ANKRD24: variants seen among roughly 807,000 people sequenced by gnomAD.
ANKRD24 encodes ankyrin repeat domain-containing protein 24.
In ANKRD24, 109 loss-of-function variants were observed where a neutral mutation model predicts 127.8. The observed-to-expected ratio is 0.85, with a 90% CI of 0.73 to 1.00. ANKRD24 has a LOEUF of 1.00. Among genes scored for constraint, ANKRD24 ranks in the 50% least tolerant of loss-of-function variants. The pLI is 0.00. For missense variants in ANKRD24, 1,648 were observed against 1,570.2 expected (o/e 1.05, Z -0.84); for synonymous variants, 743 against 671.1 (o/e 1.11, Z -1.66).
chr19:4,190,284 A>C (rs1274311565), intron 2 of ANKRD24, among the ~76,000 whole-genome samples: 1 of 151,642 alleles, frequency 6.6e-6, no homozygotes, highest in African/African-American at 2.4e-5. Context: ...AAATACAAAA[A>C]ATCAGCCGGG....
Position 4,207,328 on chromosome 19 carries a change from C to A in ANKRD24, c.537+16C>A. 6.2e-7 allele frequency: 1 copy of A among 1,611,828 alleles called. No individual in the cohort carries two copies. The highest frequency in any genetic ancestry group is 1.1e-5 in the South Asian group (1 of 91,038). ...CCAAGATCGGGTAAGCTTCTGGGAT[C>A]TCTTCAGGGAAGATGTTATGCTTGA... On this transcript the variant is annotated intron_variant, in intron 8 of 21. Coordinates refer to ENST00000318934, the MANE Select transcript of ANKRD24 (RefSeq NM_001393985.1).
intron 2 of ANKRD24, among the ~76,000 whole-genome samples, chr19:4,187,282 G>A (rs775086926): frequency 3.3e-5 from 5 of 152,062 alleles, no homozygotes; most frequent in African/African-American, 4.8e-5. Context: ...GCACGGTGGC[G>A]GGCACCTGTA....
At chr19:4,192,368 A>T (rs1008836017) in intron 2 of ANKRD24, among the ~76,000 whole-genome samples, 18 of 146,000 alleles carry the variant, frequency 1.2e-4, no homozygotes, top group African/African-American at 4.6e-4. Flanking sequence ...TTTATTTTTT[A>T]CTTAAGTATG....
chr19:4,186,038 CCAGAAAAGG>C (rs1968042953), intron 1 of ANKRD24, among the ~76,000 whole-genome samples: 2 of 152,092 alleles, frequency 1.3e-5, no homozygotes, highest in African/African-American at 4.8e-5. Flanking sequence ...AGTTAGGAGA[CCAGAAAAGG>C]CTTGATCTGT....
Position 4,216,688 on chromosome 19 carries a change from C to T in ANKRD24, c.1528C>T (p.Leu510=), listed in dbSNP as rs774593406. The change falls in exon 18 of 22, where the codon CTG becomes TTG. Residue 510 remains leucine, a synonymous_variant. Coordinates refer to ENST00000318934, the MANE Select transcript of ANKRD24 (RefSeq NM_001393985.1). ...GCAGCACGCTGAGGCCCTGCAGGCCCTGAGGCAGCAGGAGACACGAGAGGT... is the reference window on the plus strand; with the variant it reads ...GCAGCACGCTGAGGCCCTGCAGGCCTTGAGGCAGCAGGAGACACGAGAGGT... The part of the protein sequence containing the change: ...RRQHAEALQA[L]RQQETREVPR... The T allele has an allele frequency of 1.3e-6, 2 of 1,588,088 alleles. No homozygotes were observed. Among genetic ancestry groups the T allele is most frequent in the Non-Finnish European group, 8.6e-7 (1 of 1,167,664 alleles).
rs865815277 is a variant in ANKRD24, at chr19:4,199,917, G to A, written c.166G>A (p.Val56Met). ...GAGTGACGAGAGGCTGCTACAAGCC[G>A]TGGAAAACAACGATGCACCTCGGGT... Reference protein sequence around the residue: ...GKSDERLLQAVENNDAPRVAA... With the variant: ...GKSDERLLQAMENNDAPRVAA... The change falls in exon 4 of 22, where the codon GTG becomes ATG. Residue 56 changes from valine to methionine, a missense_variant. Coordinates refer to ENST00000318934, the MANE Select transcript of ANKRD24 (RefSeq NM_001393985.1). The surrounding 1 kb of genome is among the most constrained non-coding windows in gnomAD (Gnocchi z 5.2). 15 of 1,571,264 alleles carry A rather than the reference G, an allele frequency of 9.5e-6. No homozygotes were observed. The highest frequency in any genetic ancestry group is 3.8e-5 in the Admixed American group (2 of 53,140).
At chr19:4,189,393 G>A (rs918209214) in intron 2 of ANKRD24, among the ~76,000 whole-genome samples, 2 of 151,398 alleles carry the variant, frequency 1.3e-5, no homozygotes, top group Non-Finnish European at 2.9e-5. Flanking sequence ...TGGGACTACA[G>A]GCACGCACTA....
chr19:4,203,160 G>C (rs1316536966), intron 7 of ANKRD24, among the ~76,000 whole-genome samples: 1 of 151,710 alleles, frequency 6.6e-6, no homozygotes. Flanking sequence ...CAATTTTCCT[G>C]CCTCAGCCTC....
intron 1 of ANKRD24, among the ~76,000 whole-genome samples, chr19:4,184,596 A>G (rs993288057): frequency 6.6e-6 from 1 of 152,172 alleles, no homozygotes; most frequent in Non-Finnish European, 1.5e-5. Context: ...TAAATTTAGC[A>G]GGCGTTTCTC....
intron 1 of ANKRD24, among the ~76,000 whole-genome samples, chr19:4,184,166 C>T (rs564615562): frequency 2.0e-3 from 307 of 152,342 alleles, no homozygotes; most frequent in Non-Finnish European, 3.3e-3. Context: ...CATCCCCGGC[C>T]CCCTGGGGCG....
chr19:4,200,939 TAAAG>T (rs1568323449), intron 5 of ANKRD24, among the ~76,000 whole-genome samples: 1 of 152,000 alleles, frequency 6.6e-6, no homozygotes, highest in Non-Finnish European at 1.5e-5. Flanking sequence ...GTATCCGAGA[TAAAG>T]GAAGTGACTG....
chr19:4,217,893 G>C lies in ANKRD24; in HGVS notation c.2733G>C (p.Gln911His). ...GGGAGGCCTCCGAGGCCCTCCGCCA[G>C]TCCGTGGTGCCGGCCTCTGAGCACC... ...ELREASEALR[Q>H]SVVPASEHRR... is the part of the protein sequence containing the mutation. The change falls in exon 18 of 22, where the codon CAG (glutamine) becomes CAC (histidine). Residue 911 changes from glutamine (Q) to histidine (H), a missense_variant. Transcript: ENST00000318934. 2 of 1,475,200 alleles carry C rather than the reference G, an allele frequency of 1.4e-6. No individual in the cohort carries two copies. The highest frequency in any genetic ancestry group is 1.8e-6 in the Non-Finnish European group (2 of 1,120,670). The allele number at this position is 1,475,200 out of a possible 1,614,324, so 91.4% of individuals were successfully genotyped here. A position where few individuals can be genotyped will look rare whatever the true frequency, so the allele number is the denominator to read the frequency against.
In ANKRD24 at chr19:4,195,371, G is replaced by C. The variant is rs1275847937; in HGVS notation, c.37-4312G>C. On this transcript the variant is annotated intron_variant, in intron 2 of 21. Coordinates refer to ENST00000318934, the MANE Select transcript of ANKRD24 (RefSeq NM_001393985.1). This position sits in a 1 kb window ranked among gnomAD's most constrained non-coding sequence, Gnocchi z 4.2. ...TGACAGGCGTGAGCCACCATGCCTGGCCATTTGCTCTGATCTTGTATGGCA... is the reference window on the plus strand; with the variant it reads ...TGACAGGCGTGAGCCACCATGCCTGCCCATTTGCTCTGATCTTGTATGGCA... Among the ~76,000 whole-genome samples the C allele has an allele frequency of 2.0e-5, 3 of 152,192 alleles. No individual in the cohort carries two copies. In the East Asian group the frequency reaches 5.8e-4, roughly 30 times the overall value.
At chr19:4,211,669 A>T (rs952963957) in intron 13 of ANKRD24, among the ~76,000 whole-genome samples, 1 of 151,876 alleles carries the variant, frequency 6.6e-6, no homozygotes, top group African/African-American at 2.4e-5. Flanking sequence ...AACAACAACA[A>T]ACAAAAACAA....
chr19:4,221,378 T>G (rs550514582), intron 19 of ANKRD24, among the ~76,000 whole-genome samples: 305 of 151,358 alleles, frequency 2.0e-3, no homozygotes, highest in Middle Eastern at 3.4e-3. Flanking sequence ...TGTTTTTTTT[T>G]GCTTTTGTTT....
chr19:4,217,422 C>T lies in ANKRD24; in HGVS notation c.2262C>T (p.Cys754=), dbSNP rs556964119. The part of the protein sequence containing the change: ...AAELEAALGK[C]EAAEAEAGRL... ...AGCTGGAGGCGGCCCTGGGGAAGTG[C>T]GAGGCCGCGGAGGCCGAGGCAGGCC... The change falls in exon 18 of 22, where the codon TGC becomes TGT. Residue 754 remains cysteine, a synonymous_variant. Transcript: ENST00000318934. 50 of 1,545,678 alleles carry T rather than the reference C, an allele frequency of 3.2e-5. No individual in the cohort carries two copies. The highest frequency in any genetic ancestry group is 3.8e-5 in the Non-Finnish European group (44 of 1,145,260).
Position 4,216,842 on chromosome 19 carries a change from C to A in ANKRD24, c.1682C>A (p.Thr561Asn). Reference sequence around the variant, plus strand: ...GAAACCAAAGTTAACGGAGCCGAGACCATAGATGAGGAGGCTGCAGGAGAT... The same window carrying A: ...GAAACCAAAGTTAACGGAGCCGAGAACATAGATGAGGAGGCTGCAGGAGAT... ...APETKVNGAETIDEEAAGDET... is the reference protein window; with the variant it reads ...APETKVNGAENIDEEAAGDET... Residue 561 changes from threonine (T) to asparagine (N), a missense_variant, in exon 18 of 22, where the codon ACC becomes AAC. Physicochemically the swap from Thr to Asn is moderately conservative, Grantham distance 65. Transcript: ENST00000318934. The A allele has an allele frequency of 3.7e-6, 6 of 1,610,448 alleles. No individual in the cohort carries two copies. The South Asian group carries it at 6.6e-5, about 18-fold the overall frequency.
chr19:4,212,551 GC>G, intron 14 of ANKRD24, 38 bp downstream of exon 14: 1 of 1,548,608 alleles, frequency 6.5e-7, no homozygotes, highest in Non-Finnish European at 8.7e-7. Context: ...TCCTCCTGCT[GC>G]CCAGCCTTTC....
In ANKRD24 at chr19:4,194,468, A is replaced by G. The variant is rs142019451; in HGVS notation, c.37-5215A>G. Among the ~76,000 whole-genome samples the G allele has an allele frequency of 4.3e-3, 660 of 152,244 alleles. 2 individuals are homozygous for G. The highest frequency in any genetic ancestry group is 7.3e-3 in the Admixed American group (111 of 15,286). ...GCACCTAGCCAGAAATGTGAATTTC[A>G]TATCATTTTTCACGTGTCAGGAAGG... is the stretch of plus-strand genomic sequence containing the variant. On this transcript the variant is annotated intron_variant, in intron 2 of 21. Coordinates refer to ENST00000318934, the MANE Select transcript of ANKRD24 (RefSeq NM_001393985.1).
Sources: allele counts gnomAD v4.1 joint callset (sites outside exome capture counted in the v4.1 genomes callset), GRCh38; gene constraint gnomAD v4.1.1; non-coding constraint Gnocchi (gnomAD v3.1); transcripts MANE v1.5; gene names NCBI Gene and HGNC (gene_info 2026-07-23, HGNC 2026-07-21).